SEMA3B: variants seen among roughly 807,000 people sequenced by gnomAD.
The protein encoded by SEMA3B is semaphorin-3B.
Under a neutral mutation model 77.8 loss-of-function variants are expected in SEMA3B, and 71 were observed. The observed-to-expected ratio is 0.91, with a 90% CI of 0.75 to 1.11. The LOEUF (loss-of-function observed/expected upper bound fraction) is 1.11. Ranked by LOEUF, SEMA3B falls within the 50% of genes most tolerant of loss-of-function variation. SEMA3B has a pLI of 0.00. For missense variants in SEMA3B, 968 were observed against 1,056.8 expected (o/e 0.92, Z 1.17); for synonymous variants, 470 against 452.9 (o/e 1.04, Z -0.48).
Position 50,275,073 on chromosome 3 carries a change from G to A in SEMA3B, c.1491+20G>A, listed in dbSNP as rs1701187727. ...AAGAGGGTGAGTGACCAGGATGGGGGTCGGGGTGGGATGGACTGAGCTTGT... is the reference window on the plus strand; with the variant it reads ...AAGAGGGTGAGTGACCAGGATGGGGATCGGGGTGGGATGGACTGAGCTTGT... On this transcript the variant is annotated intron_variant, in intron 13 of 16. Coordinates refer to ENST00000616701, the MANE Select transcript of SEMA3B (RefSeq NM_001290060.2). The surrounding 1 kb of genome is among the most constrained non-coding windows in gnomAD (Gnocchi z 7.5). The A allele has an allele frequency of 2.5e-6, 4 of 1,570,374 alleles. No homozygotes were observed. The highest frequency in any genetic ancestry group is 3.5e-6 in the Non-Finnish European group (4 of 1,154,152).
the SEMA3B span, chr3:50,261,886 A>AGGAGTCAG: frequency 6.6e-6 from 1 of 152,298 alleles, no homozygotes; most frequent in South Asian, 2.1e-4. Context: ...TAGCAACCCT[A>AGGAGTCAG]GGAGTCAGGG....
At chr3:50,262,259 C>T in the SEMA3B span, 2 of 152,238 alleles carry the variant, frequency 1.3e-5, no homozygotes, top group African/African-American at 4.8e-5. Context: ...TGTGCCACTG[C>T]ACTCTAGCCT....
chr3:50,274,232 C>A lies in SEMA3B; in HGVS notation c.1138-131C>A. On this transcript the variant is annotated intron_variant, in intron 10 of 16. Transcript: ENST00000616701. This position sits in a 1 kb window ranked among gnomAD's most constrained non-coding sequence, Gnocchi z 4.7. ...TCTGACTTCCTAGGGCAAGGCTGATCTCCTCTCTAATTCTCAGGGCAGGGT... is the reference window on the plus strand; with the variant it reads ...TCTGACTTCCTAGGGCAAGGCTGATATCCTCTCTAATTCTCAGGGCAGGGT... 2 of 1,241,330 alleles carry A rather than the reference C, an allele frequency of 1.6e-6. No homozygotes were observed. 76.9% of individuals were successfully genotyped at this position (1,241,330 alleles called of 1,614,324 possible).
chr3:50,274,206 C>A lies in SEMA3B; in HGVS notation c.1137+149C>A. On this transcript the variant is annotated intron_variant, in intron 10 of 16. Transcript: ENST00000616701. This position sits in a 1 kb window ranked among gnomAD's most constrained non-coding sequence, Gnocchi z 4.7. Reference sequence around the variant, plus strand: ...TCATAAGACAAGGCTTGTTTCCCGCCTCTGACTTCCTAGGGCAAGGCTGAT... The same window carrying A: ...TCATAAGACAAGGCTTGTTTCCCGCATCTGACTTCCTAGGGCAAGGCTGAT... The A allele has an allele frequency of 7.5e-7, 1 of 1,341,394 alleles. No homozygotes were observed. The allele number at this position is 1,341,394 out of a possible 1,614,324, so 83.1% of individuals were successfully genotyped here. A position where few individuals can be genotyped will look rare whatever the true frequency, so the allele number is the denominator to read the frequency against.
chr3:50,275,062 C>T lies in SEMA3B; in HGVS notation c.1491+9C>T. 1 of 1,579,314 alleles carries T rather than the reference C, an allele frequency of 6.3e-7. No individual in the cohort carries two copies. Among genetic ancestry groups the T allele is most frequent in the Non-Finnish European group, 8.6e-7 (1 of 1,158,740 alleles). ...AAATTTCTTCCAAGAGGGTGAGTGA[C>T]CAGGATGGGGGTCGGGGTGGGATGG... On this transcript the variant is annotated intron_variant, in intron 13 of 16. Transcript: ENST00000616701. The surrounding 1 kb of genome is among the most constrained non-coding windows in gnomAD (Gnocchi z 7.5).
Position 50,270,326 on chromosome 3 carries a change from C to T in SEMA3B, c.267+42C>T, listed in dbSNP as rs1553705136. ...ACCCCAGCACTCCCCAGGGAAGGAG[C>T]CCTGGGACCCCACTCCAGCCTGGAG... On this transcript the variant is annotated intron_variant, in intron 2 of 16. Transcript: ENST00000616701. The surrounding 1 kb of genome is among the most constrained non-coding windows in gnomAD (Gnocchi z 4.7). The T allele has an allele frequency of 6.2e-7, 1 of 1,609,096 alleles. No homozygotes were observed. Among genetic ancestry groups the T allele is most frequent in the Non-Finnish European group, 8.5e-7 (1 of 1,176,408 alleles).
chr3:50,262,795 C>G (rs781804382), upstream of SEMA3B, among the ~76,000 whole-genome samples: 1 of 152,186 alleles, frequency 6.6e-6, no homozygotes, highest in Non-Finnish European at 1.5e-5. Context: ...GGGACTGGGA[C>G]AGGGTTAAGG....
chr3:50,275,504 CTT>C lies in SEMA3B; in HGVS notation c.1649+47_1649+48del, dbSNP rs1553706413. On this transcript the variant is annotated intron_variant, in intron 14 of 16. Transcript: ENST00000616701. This position sits in a 1 kb window ranked among gnomAD's most constrained non-coding sequence, Gnocchi z 7.5. ...GGCCGCCGGGAGGGAGGCGAAGGGT[CTT>C]TCACTGCCCGGGGCTGAAAGAAGGG... 23 of 1,612,378 alleles carry C rather than the reference CTT, an allele frequency of 1.4e-5. No homozygotes were observed. Among genetic ancestry groups the C allele is most frequent in the Non-Finnish European group, 1.9e-5 (22 of 1,179,194 alleles).
rs1423870401 is a variant in SEMA3B, at chr3:50,273,729, C to T, written c.923-30C>T. On this transcript the variant is annotated intron_variant, in intron 8 of 16. Transcript: ENST00000616701. The surrounding 1 kb of genome is among the most constrained non-coding windows in gnomAD (Gnocchi z 6.5). Reference sequence around the variant, plus strand: ...GCCCCCGCCGCAGCGGGGCTGTGCGCCCTACCCCAGCTAGGCCCCTTCCCC... The same window carrying T: ...GCCCCCGCCGCAGCGGGGCTGTGCGTCCTACCCCAGCTAGGCCCCTTCCCC... The T allele has an allele frequency of 6.2e-7, 1 of 1,604,832 alleles. No homozygotes were observed. Among genetic ancestry groups the T allele is most frequent in the African/African-American group, 1.3e-5 (1 of 75,030 alleles).
chr3:50,276,325 G>A lies in SEMA3B; in HGVS notation c.1869G>A (p.Glu623=). The A allele has an allele frequency of 6.6e-7, 1 of 1,524,400 alleles. No individual in the cohort carries two copies. The highest frequency in any genetic ancestry group is 8.8e-7 in the Non-Finnish European group (1 of 1,139,308). The allele number at this position is 1,524,400 out of a possible 1,614,324, so 94.4% of individuals were successfully genotyped here. The change falls in exon 17 of 17, where the codon GAG becomes GAA. Residue 623 remains glutamate, a synonymous_variant. Coordinates refer to ENST00000616701, the MANE Select transcript of SEMA3B (RefSeq NM_001290060.2). The surrounding 1 kb of genome is among the most constrained non-coding windows in gnomAD (Gnocchi z 5.8). ...AGGTGCTGGCAGAGGAGCGCACCGA[G>A]CGCACCGCCCGGGGACTACTGCTGC... ...HTQVLAEERT[E]RTARGLLLRR... is the part of the protein sequence containing the mutation.
rs1175955451 is a variant in SEMA3B, at chr3:50,276,091, C to A, written c.1846-211C>A. ...CCCATTAAGGTCCCTGACCACCCCC[C>A]ACCAAGTTCATGTAAACCCCGCCTC... On this transcript the variant is annotated intron_variant, in intron 16 of 16. Coordinates refer to ENST00000616701, the MANE Select transcript of SEMA3B (RefSeq NM_001290060.2). The surrounding 1 kb of genome is among the most constrained non-coding windows in gnomAD (Gnocchi z 5.8). The A allele has an allele frequency of 5.1e-6, 4 of 782,064 alleles. No homozygotes were observed. The highest frequency in any genetic ancestry group is 7.7e-6 in the Non-Finnish European group (4 of 516,372). 48.4% of individuals were successfully genotyped at this position (782,064 alleles called of 1,614,324 possible).
In SEMA3B at chr3:50,275,578, C is replaced by G; in HGVS notation, c.1668C>G (p.Asp556Glu). 9 of 1,613,686 alleles carry G rather than the reference C, an allele frequency of 5.6e-6. No homozygotes were observed. The highest frequency in any genetic ancestry group is 7.6e-6 in the Non-Finnish European group (9 of 1,179,886). ...CCCACAGGCGGTTCCGGCGGCAAGA[C>G]GTAAGGAATGGCGACCCCAGCACGT... ...PSAKRRFRRQ[D>E]VRNGDPSTLC... Residue 556 changes from aspartate to glutamate, a missense_variant, in exon 15 of 17, where the codon GAC becomes GAG. By Grantham distance (45) the Asp-to-Glu change is conservative (BLOSUM62 2). Transcript: ENST00000616701. This position sits in a 1 kb window ranked among gnomAD's most constrained non-coding sequence, Gnocchi z 7.5.
chr3:50,261,526 G>A, the SEMA3B span: 1 of 152,580 alleles, frequency 6.6e-6, no homozygotes, highest in East Asian at 1.9e-4. Flanking sequence ...GAAACTCAGT[G>A]AGGAGGAGCC....
upstream of SEMA3B, among the ~76,000 whole-genome samples, chr3:50,265,240 C>T (rs2109229456): frequency 6.6e-6 from 1 of 152,308 alleles, no homozygotes; most frequent in Non-Finnish European, 1.5e-5. Flanking sequence ...TGCCTAAGTC[C>T]TCTGGGCAGC....
rs1311148974 is a variant in SEMA3B at position 50,269,832 on chromosome 3, T to C, written c.110-295T>C. ...TGCATGCCAGTCTCCCCCAGGACTCTGGTGTCCATAAGCCTTGCCTCCCAG... is the reference window on the plus strand; with the variant it reads ...TGCATGCCAGTCTCCCCCAGGACTCCGGTGTCCATAAGCCTTGCCTCCCAG... On this transcript the variant is annotated intron_variant, in intron 1 of 16. Coordinates refer to ENST00000616701, the MANE Select transcript of SEMA3B (RefSeq NM_001290060.2). This position sits in a 1 kb window ranked among gnomAD's most constrained non-coding sequence, Gnocchi z 4.0. Among the ~76,000 whole-genome samples, 2 of 152,160 alleles carry C rather than the reference T, an allele frequency of 1.3e-5. No individual in the cohort carries two copies. The highest frequency in any genetic ancestry group is 4.8e-5 in the African/African-American group (2 of 41,444).
At chr3:50,269,128 C>A, upstream of SEMA3B, 1 of 761,524 alleles carries the variant, frequency 1.3e-6, no homozygotes, top group Non-Finnish European at 2.2e-6. This position sits in a 1 kb window ranked among gnomAD's most constrained non-coding sequence, Gnocchi z 4.0. Context: ...CCTAGCCTCC[C>A]GCCCTCGCCC....
In SEMA3B at chr3:50,274,188, A is replaced by G. The variant is rs587743620; in HGVS notation, c.1137+131A>G. 1 of 1,445,822 alleles carries G rather than the reference A, an allele frequency of 6.9e-7. No individual in the cohort carries two copies. Among genetic ancestry groups the G allele is most frequent in the South Asian group, 1.3e-5 (1 of 77,316 alleles). The allele number at this position is 1,445,822 out of a possible 1,614,324, so 89.6% of individuals were successfully genotyped here. ...GGTGGGAAAACGTTTCCATCATAAG[A>G]CAAGGCTTGTTTCCCGCCTCTGACT... On this transcript the variant is annotated intron_variant, in intron 10 of 16. Transcript: ENST00000616701. The surrounding 1 kb of genome is among the most constrained non-coding windows in gnomAD (Gnocchi z 4.7).
chr3:50,268,954 G>C, upstream of SEMA3B: 1 of 505,258 alleles, frequency 2.0e-6, no homozygotes, highest in African/African-American at 2.0e-5. Flanking sequence ...GTGGTGAGGC[G>C]GGCTTGCCAG....
Position 50,273,945 on chromosome 3 carries a change from A to G in SEMA3B, c.1025A>G (p.Tyr342Cys). ...SIFQGSAVCV[Y>C]SMNDVRRAFL... Reference sequence around the variant, plus strand: ...TTCCAGGGCTCTGCGGTGTGCGTGTACAGCATGAACGACGTGCGCCGGGCC... The same window carrying G: ...TTCCAGGGCTCTGCGGTGTGCGTGTGCAGCATGAACGACGTGCGCCGGGCC... The change falls in exon 10 of 17, where the codon TAC becomes TGC. Residue 342 changes from tyrosine (Y) to cysteine (C), a missense_variant. Coordinates refer to ENST00000616701, the MANE Select transcript of SEMA3B (RefSeq NM_001290060.2). This position sits in a 1 kb window ranked among gnomAD's most constrained non-coding sequence, Gnocchi z 6.5. 1.2e-6 allele frequency: 2 copies of G among 1,613,320 alleles called. No homozygotes were observed. Among genetic ancestry groups the G allele is most frequent in the South Asian group, 2.2e-5 (2 of 91,050 alleles).
Sources: gnomAD v4.1 joint callset for allele counts (sites outside exome capture counted in the v4.1 genomes callset) on GRCh38, gnomAD v4.1.1 for gene constraint, Gnocchi (gnomAD v3.1) non-coding constraint, MANE v1.5 for transcripts, NCBI Gene and HGNC (gene_info 2026-07-23, HGNC 2026-07-21) for gene names.